ATL2: variants seen among roughly 807,000 people sequenced by gnomAD.
The protein encoded by ATL2 is atlastin-2.
ATL2 carries 31 observed loss-of-function variants against 73.9 expected under a neutral mutation model. That is an observed-to-expected ratio of 0.42 (90% CI 0.32 to 0.57). ATL2 has a LOEUF of 0.57. Ranked by LOEUF, ATL2 falls within the 20% of genes least tolerant of loss-of-function variation. The pLI, the probability that ATL2 is intolerant of heterozygous loss-of-function variation, is 0.14. For missense variants in ATL2, 738 were observed against 702.6 expected, an observed-to-expected ratio of 1.05 and a Z score of -0.57; for synonymous variants, 291 against 237.5, an observed-to-expected ratio of 1.23 and a Z score of -2.07.
Position 38,313,131 on chromosome 2 carries a change from T to G in ATL2, c.804+20A>C. On this transcript the variant is annotated intron_variant, in intron 7 of 12. Coordinates refer to ENST00000378954, the MANE Select transcript of ATL2 (RefSeq NM_001135673.4). ...CTAGCTTGGTGCTTATGTTCTCCTCTTTAAGCATTAGGGTCTTACCTGTAA... is the reference window on the plus strand; with the variant it reads ...CTAGCTTGGTGCTTATGTTCTCCTCGTTAAGCATTAGGGTCTTACCTGTAA... The G allele has an allele frequency of 6.4e-7, 1 of 1,571,918 alleles. No homozygotes were observed. Among genetic ancestry groups the G allele is most frequent in the Non-Finnish European group, 8.7e-7 (1 of 1,146,002 alleles).
At chr2:38,310,789 C>G (rs1354616028) in intron 7 of ATL2, among the ~76,000 whole-genome samples, 1 of 152,014 alleles carries the variant, frequency 6.6e-6, no homozygotes, top group Non-Finnish European at 1.5e-5. Context: ...AGGCGTGCAC[C>G]ACCATGCCCG....
intron 1 of ATL2, among the ~76,000 whole-genome samples, chr2:38,353,091 T>C (rs967940): frequency 0.055 from 8,415 of 152,194 alleles, 768 homozygotes; most frequent in African/African-American, 0.19. Context: ...ATGTAGCCCA[T>C]AGTCAAGAAA....
At chr2:38,329,563 T>C (rs1189339083) in intron 2 of ATL2, among the ~76,000 whole-genome samples, 1 of 151,852 alleles carries the variant, frequency 6.6e-6, no homozygotes, top group East Asian at 1.9e-4. Flanking sequence ...CAAATTCTTT[T>C]AGAAAATAAG....
intron 2 of ATL2, among the ~76,000 whole-genome samples, chr2:38,331,598 G>A (rs1350984637): frequency 1.5e-5 from 2 of 133,900 alleles, no homozygotes; most frequent in South Asian, 4.7e-4. Context: ...GGGCAACAGA[G>A]CAAGACTCCA....
At chr2:38,334,652 C>T (rs1027639596) in intron 2 of ATL2, among the ~76,000 whole-genome samples, 2 of 151,104 alleles carry the variant, frequency 1.3e-5, no homozygotes, top group African/African-American at 4.8e-5. Context: ...GAGCCAAGAT[C>T]GCGCCATTGC....
At position 38,340,552 on chromosome 2, in the gene ATL2, C is replaced by T. The variant is rs185408749; in HGVS notation, c.363+2716G>A. On this transcript the variant is annotated intron_variant, in intron 2 of 12. Coordinates refer to ENST00000378954, the MANE Select transcript of ATL2 (RefSeq NM_001135673.4). ...CTCTTATAAAACTACTCACTACTTT[C>T]ATCAACTGCATACTTACATACATTG... is the stretch of plus-strand genomic sequence containing the variant. 1.7e-3 allele frequency among the ~76,000 whole-genome samples: 264 copies of T among 152,070 alleles called. 2 individuals carry two copies. The highest frequency in any genetic ancestry group is 5.9e-3 in the African/African-American group (244 of 41,324).
rs70954711 is a variant in ATL2, at chr2:38,329,423, C to CAAAAAAAAAAA, written c.364-10415_364-10405dup. ...AGGAGACAGAGCAAGACTCCATCTCCAAAAAAAAAAAAAAAAAAAAAAAAA... is the reference window on the plus strand; with the variant it reads ...AGGAGACAGAGCAAGACTCCATCTCCAAAAAAAAAAAAAAAAAAAAAAAAAAAAAAAAAAAA... On this transcript the variant is annotated intron_variant, in intron 2 of 12. Transcript: ENST00000378954. Among the ~76,000 whole-genome samples the CAAAAAAAAAAA allele has an allele frequency of 6.6e-4, 9 of 13,672 alleles. 1 individual carries two copies. The highest frequency in any genetic ancestry group is 5.1e-3 in the South Asian group (1 of 198). 9.0% of individuals were successfully genotyped at this position (13,672 alleles called of 152,430 possible). A position where few individuals can be genotyped will look rare whatever the true frequency, so the allele number is the denominator to read the frequency against.
At chr2:38,303,356 C>A (rs774747183) in intron 9 of ATL2, among the ~76,000 whole-genome samples, 1 of 152,028 alleles carries the variant, frequency 6.6e-6, no homozygotes, top group Non-Finnish European at 1.5e-5. Flanking sequence ...CACGCGTGCG[C>A]CATCATGCCT....
At chr2:38,317,054 A>G (rs1668060860) in intron 4 of ATL2, among the ~76,000 whole-genome samples, 1 of 152,134 alleles carries the variant, frequency 6.6e-6, no homozygotes, top group Non-Finnish European at 1.5e-5. Flanking sequence ...TTAACAGCCA[A>G]CCTTCTTTCC....
chr2:38,316,310 T>G (rs914985428), intron 4 of ATL2, among the ~76,000 whole-genome samples: 1 of 152,196 alleles, frequency 6.6e-6, no homozygotes. Context: ...GATTTTAACA[T>G]AAACCCTGAC....
intron 9 of ATL2, among the ~76,000 whole-genome samples, chr2:38,305,844 A>C (rs1667422052): frequency 6.6e-6 from 1 of 152,136 alleles, no homozygotes; most frequent in South Asian, 2.1e-4. Context: ...CACTTCAAAT[A>C]AACAACCTAA....
Position 38,295,085 on chromosome 2 carries a change from GACATGAGCCACAA to G in ATL2, c.*896_*908del, listed in dbSNP as rs1428607030. The G allele has an allele frequency of 3.3e-5, 5 of 151,188 alleles. No individual in the cohort carries two copies. Among genetic ancestry groups the G allele is most frequent in the Non-Finnish European group, 7.4e-5 (5 of 67,914 alleles). The allele number at this position is 151,188 out of a possible 1,614,324, so 9.4% of individuals were successfully genotyped here. A position where few individuals can be genotyped will look rare whatever the true frequency, so the allele number is the denominator to read the frequency against. The stretch of plus-strand genomic sequence containing the variant: ...CAAATTGTCTATGCATTCACACACT[GACATGAGCCACAA>G]ACATTCCTTTCACAGGGACAGTACT... On this transcript the variant is annotated 3_prime_UTR_variant, in exon 13 of 13. Coordinates refer to ENST00000378954, the MANE Select transcript of ATL2 (RefSeq NM_001135673.4).
chr2:38,376,935 G>A (rs891751190), intron 1 of ATL2, among the ~76,000 whole-genome samples: 9 of 150,898 alleles, frequency 6.0e-5, no homozygotes, highest in Non-Finnish European at 1.2e-4. Flanking sequence ...TACTGGAGCC[G>A]CGGCCCACGA....
rs1037336386 is a variant in ATL2, at chr2:38,295,110, A to G, written c.*884T>C. ...GACATGAGCCACAAACATTCCTTTC[A>G]CAGGGACAGTACTTATTTAGCCTAC... On this transcript the variant is annotated 3_prime_UTR_variant, in exon 13 of 13. Transcript: ENST00000378954. The G allele has an allele frequency of 6.6e-6, 1 of 152,010 alleles. No homozygotes were observed. Among genetic ancestry groups the G allele is most frequent in the Non-Finnish European group, 1.5e-5 (1 of 68,010 alleles). The allele number at this position is 152,010 out of a possible 1,614,324, so 9.4% of individuals were successfully genotyped here. A position where few individuals can be genotyped will look rare whatever the true frequency, so the allele number is the denominator to read the frequency against.
intron 1 of ATL2, among the ~76,000 whole-genome samples, chr2:38,374,203 T>C (rs565174190): frequency 7.2e-4 from 109 of 152,350 alleles, no homozygotes; most frequent in African/African-American, 2.5e-3. Context: ...GCTATCCATT[T>C]TTAAAGCCAT....
chr2:38,348,722 A>G (rs1457271457), intron 1 of ATL2, among the ~76,000 whole-genome samples: 1 of 151,900 alleles, frequency 6.6e-6, no homozygotes, highest in African/African-American at 2.4e-5. Flanking sequence ...AACTACCATC[A>G]GAGTGAACAG....
chr2:38,298,409 T>C lies in ATL2; in HGVS notation c.1367A>G (p.Tyr456Cys), dbSNP rs758774688. 8 of 1,614,056 alleles carry C rather than the reference T, an allele frequency of 5.0e-6. No homozygotes were observed. The Admixed American group carries it at 5.0e-5, about 10-fold the overall frequency. The change falls in exon 12 of 13, where the codon TAT becomes TGT. Residue 456 changes from tyrosine to cysteine, a missense_variant. By Grantham distance (194) the Tyr-to-Cys change is radical. Coordinates refer to ENST00000378954, the MANE Select transcript of ATL2 (RefSeq NM_001135673.4). ...DQLEAEIEET[Y>C]ANFIKHNDGK... is the part of the protein sequence containing the mutation. ...ATCATTGTGCTTTATAAAATTTGCA[T>C]AGGTTTCTTCAATTTCAGCTTCAAG...
intron 1 of ATL2, chr2:38,376,010 T>G: frequency 1.5e-6 from 2 of 1,298,320 alleles, no homozygotes. Flanking sequence ...ACCAAAATGC[T>G]TTACATTTTA....
At chr2:38,377,375 T>G (rs1029546135), upstream of ATL2, 2 of 786,378 alleles carry the variant, frequency 2.5e-6, no homozygotes, top group African/African-American at 2.1e-5. Context: ...TCCGCCTGTA[T>G]CTCCTCGCCC....
Sources: allele counts gnomAD v4.1 joint callset (sites outside exome capture counted in the v4.1 genomes callset), GRCh38; gene constraint gnomAD v4.1.1; transcripts MANE v1.5; gene names NCBI Gene and HGNC (gene_info 2026-07-23, HGNC 2026-07-21).